Variants in NSUN6 observed in about 807,000 individuals in gnomAD.
NSUN6 encodes the protein NOP2/Sun RNA methyltransferase 6.
NSUN6 carries 64 observed loss-of-function variants against 58.0 expected under a neutral mutation model. That is an observed-to-expected ratio of 1.10 (90% CI 0.90 to 1.36). NSUN6 has a LOEUF of 1.36. NSUN6 is among the 40% of genes most tolerant of loss of function. The pLI is 0.00. For missense variants in NSUN6, 701 were observed against 550.1 expected (o/e 1.27, Z -2.74); for synonymous variants, 231 against 193.9 (o/e 1.19, Z -1.59).
chr10:18,639,327 T>A (rs1358994880), intron 3 of NSUN6, among the ~76,000 whole-genome samples: 1 of 152,072 alleles, frequency 6.6e-6, no homozygotes, highest in Non-Finnish European at 1.5e-5. Flanking sequence ...ACACAGTCTC[T>A]ACTAAAAATA....
chr10:18,595,771 T>A (rs2057560265), intron 7 of NSUN6, among the ~76,000 whole-genome samples: 1 of 152,184 alleles, frequency 6.6e-6, no homozygotes, highest in African/African-American at 2.4e-5. Context: ...TAACTTCAAA[T>A]AGTAAATATT....
chr10:18,576,902 G>A (rs2056677492), intron 8 of NSUN6, among the ~76,000 whole-genome samples: 1 of 152,146 alleles, frequency 6.6e-6, no homozygotes, highest in African/African-American at 2.4e-5. Flanking sequence ...AGAAAAAATA[G>A]GACATTGTAA....
Position 18,563,130 on chromosome 10 carries a change from G to A in NSUN6, c.923-11159C>T, listed in dbSNP as rs189930064. On this transcript the variant is annotated intron_variant, in intron 8 of 10. Transcript: ENST00000377304. ...GGAGAATGGAGTAGAATAGAATGGAGATTGAACTGGAATGGAGAGTGGAAC... is the reference window on the plus strand; with the variant it reads ...GGAGAATGGAGTAGAATAGAATGGAAATTGAACTGGAATGGAGAGTGGAAC... 1.4e-3 allele frequency among the ~76,000 whole-genome samples: 211 copies of A among 151,084 alleles called. 3 individuals carry two copies. In the East Asian group the frequency reaches 0.024, roughly 17 times the overall value.
intron 5 of NSUN6, among the ~76,000 whole-genome samples, chr10:18,613,262 T>C (rs1358921996): frequency 6.6e-6 from 1 of 151,888 alleles, no homozygotes; most frequent in Non-Finnish European, 1.5e-5. Context: ...ACACCTAGCT[T>C]ATTTCTGTAT....
At chr10:18,652,015 C>T, upstream of NSUN6, 1 of 985,374 alleles carries the variant, frequency 1.0e-6, no homozygotes, top group Non-Finnish European at 1.2e-6. Context: ...CATGATTTTA[C>T]CTCTCTCAGG....
intron 7 of NSUN6, 85 bp downstream of exon 7, chr10:18,596,123 C>G: frequency 2.6e-6 from 3 of 1,133,230 alleles, no homozygotes; most frequent in Non-Finnish European, 3.9e-6. Flanking sequence ...CTAAATGAGA[C>G]TGTGAATGGC....
intron 3 of NSUN6, among the ~76,000 whole-genome samples, chr10:18,630,816 C>G (rs1219638175): frequency 6.6e-6 from 1 of 152,106 alleles, no homozygotes; most frequent in African/African-American, 2.4e-5. Flanking sequence ...CCAAATTCTA[C>G]CAGAGGTACA....
At chr10:18,564,743 CCATTCCATTCCATACCATACTG>C (rs932098999) in intron 8 of NSUN6, among the ~76,000 whole-genome samples, 1 of 141,698 alleles carries the variant, frequency 7.1e-6, no homozygotes, top group Non-Finnish European at 1.6e-5. Flanking sequence ...CTTCCAGTCT[CCATTCCATTCCATACCATACTG>C]CATTCCATTC....
chr10:18,560,092 A>G (rs1305995471), intron 8 of NSUN6, among the ~76,000 whole-genome samples: 1 of 150,952 alleles, frequency 6.6e-6, no homozygotes, highest in African/African-American at 2.4e-5. Flanking sequence ...TGGAGAATGG[A>G]ATGGAGAAAG....
chr10:18,558,855 C>A (rs1203732626), intron 8 of NSUN6, among the ~76,000 whole-genome samples: 1 of 139,238 alleles, frequency 7.2e-6, no homozygotes, highest in Admixed American at 7.3e-5. Context: ...ATGGAGAATG[C>A]AATGGAATGG....
chr10:18,634,327 A>G (rs568932928), intron 3 of NSUN6, among the ~76,000 whole-genome samples: 1 of 152,350 alleles, frequency 6.6e-6, no homozygotes, highest in South Asian at 2.1e-4. Context: ...TAAGTAATAC[A>G]TCCCTATGAC....
chr10:18,573,608 C>T (rs1427090336), intron 8 of NSUN6, among the ~76,000 whole-genome samples: 1 of 152,116 alleles, frequency 6.6e-6, no homozygotes, highest in Admixed American at 6.6e-5. Flanking sequence ...AACAAATATG[C>T]CTTCTCCAGT....
chr10:18,584,999 A>T (rs927882584), intron 8 of NSUN6, among the ~76,000 whole-genome samples: 6 of 6,624 alleles, frequency 9.1e-4, no homozygotes, highest in African/African-American at 3.0e-3. Context: ...AGACCTATTA[A>T]AAAAAAAAAA....
chr10:18,547,341 A>T (rs1377233126), intron 10 of NSUN6, among the ~76,000 whole-genome samples: 1 of 152,230 alleles, frequency 6.6e-6, no homozygotes, highest in Non-Finnish European at 1.5e-5. Context: ...GAGTGTGTGT[A>T]TATTTCCAAA....
At chr10:18,584,926 A>C (rs1325159580) in intron 8 of NSUN6, among the ~76,000 whole-genome samples, 1 of 151,810 alleles carries the variant, frequency 6.6e-6, no homozygotes, top group Non-Finnish European at 1.5e-5. Context: ...CCAAGAATTT[A>C]ATACTCAGTA....
intron 3 of NSUN6, among the ~76,000 whole-genome samples, chr10:18,626,230 T>A (rs10829039): frequency 1.3e-5 from 2 of 150,728 alleles, no homozygotes; most frequent in Non-Finnish European, 3.0e-5. Context: ...AGCTTGACAA[T>A]GTTTAAAAAA....
chr10:18,639,185 T>A (rs1229888545), intron 3 of NSUN6, among the ~76,000 whole-genome samples: 1 of 152,066 alleles, frequency 6.6e-6, no homozygotes, highest in East Asian at 1.9e-4. Context: ...TCATTTCTCA[T>A]AATGGAAAGT....
At chr10:18,606,836 C>A (rs1191987048) in intron 6 of NSUN6, among the ~76,000 whole-genome samples, 1 of 152,140 alleles carries the variant, frequency 6.6e-6, no homozygotes, top group Non-Finnish European at 1.5e-5. Context: ...TTGATACATA[C>A]AAATTCACTG....
At chr10:18,610,966 G>C (rs1176930855) in intron 5 of NSUN6, among the ~76,000 whole-genome samples, 1 of 152,162 alleles carries the variant, frequency 6.6e-6, no homozygotes, top group African/African-American at 2.4e-5. Context: ...CACTTTGAGA[G>C]ACTGGCACAG....
Sources: allele counts gnomAD v4.1 joint callset (sites outside exome capture counted in the v4.1 genomes callset), GRCh38; gene constraint gnomAD v4.1.1; transcripts MANE v1.5; gene names NCBI Gene and HGNC (gene_info 2026-07-23, HGNC 2026-07-21).